Variants in TBX1 observed in about 807,000 individuals in gnomAD.
TBX1 encodes T-box transcription factor TBX1.
A neutral mutation model predicts 40.8 loss-of-function variants in TBX1; 16 were observed. That is an observed-to-expected ratio of 0.39 (90% CI 0.27 to 0.60). TBX1 has a LOEUF of 0.60. Ranked by LOEUF, TBX1 falls within the 20% of genes least tolerant of loss-of-function variation. TBX1 has a pLI of 0.51. For synonymous variants in TBX1, 403 were observed against 336.8 expected (o/e 1.20, Z -2.15); for missense variants, 755 against 728.5 (o/e 1.04, Z -0.42).
chr22:19,761,025 C>G lies in TBX1; in HGVS notation c.182C>G (p.Pro61Arg). 9 of 894,766 alleles carry G rather than the reference C, an allele frequency of 1.0e-5. No homozygotes were observed. Among genetic ancestry groups the G allele is most frequent in the Non-Finnish European group, 1.2e-5 (9 of 750,616 alleles). 55.4% of individuals were successfully genotyped at this position (894,766 alleles called of 1,614,324 possible). The change falls in exon 1 of 7, where the codon CCG (proline) becomes CGG (arginine). Residue 61 changes from proline (P) to arginine (R), a missense_variant. By Grantham distance (103) the Pro-to-Arg change is moderately radical. Transcript: ENST00000649276. ...CCGCCGCCGCCGCCGCGCTACGACC[C>G]GTGCGCCGCCGCCGCCCCCGGCGCC... ...EPPPPPPRYD[P>R]CAAAAPGAPG...
downstream of TBX1, among the ~76,000 whole-genome samples, chr22:19,770,928 C>T (rs892717131): frequency 3.9e-5 from 6 of 152,138 alleles, no homozygotes; most frequent in South Asian, 8.3e-4. Context: ...GCATGTGGCC[C>T]GTGTTCCAGA....
rs769543269 is a variant in TBX1, at chr22:19,765,122, C to T, written c.867+9C>T. 1.1e-5 allele frequency: 18 copies of T among 1,614,012 alleles called. No individual in the cohort carries two copies. In the South Asian group the frequency reaches 1.9e-4, roughly 17 times the overall value. ...CCTACCAGAACCATCGGGTGAGGGC[C>T]TGTGGGGAGGACCTGAGCGGATTCA... On this transcript the variant is annotated intron_variant, in intron 4 of 6. Transcript: ENST00000649276.
chr22:19,766,336 G>C, intron 6 of TBX1, 53 bp from the exon 7 acceptor site: 1 of 1,238,322 alleles, frequency 8.1e-7, no homozygotes, highest in South Asian at 2.9e-5. Flanking sequence ...TGGGGCGTCG[G>C]AGCTCCTCGG....
chr22:19,767,106 A>C lies in TBX1; in HGVS notation c.*239A>C. Reference sequence around the variant, plus strand: ...CACCGCGGGTCCTTCCCCGGCCCCGAGGGCCAAGGGGGTCCCCGCCCGCCA... The same window carrying C: ...CACCGCGGGTCCTTCCCCGGCCCCGCGGGCCAAGGGGGTCCCCGCCCGCCA... On this transcript the variant is annotated 3_prime_UTR_variant, in exon 7 of 7. Transcript: ENST00000649276. 8.0e-7 allele frequency: 1 copy of C among 1,248,260 alleles called. No homozygotes were observed. Among genetic ancestry groups the C allele is most frequent in the Non-Finnish European group, 1.0e-6 (1 of 997,898 alleles). The allele number at this position is 1,248,260 out of a possible 1,614,324, so 77.3% of individuals were successfully genotyped here.
Position 19,767,002 on chromosome 22 carries a change from G to A in TBX1, c.*135G>A. On this transcript the variant is annotated 3_prime_UTR_variant, in exon 7 of 7. Coordinates refer to ENST00000649276, the MANE Select transcript of TBX1 (RefSeq NM_001379200.1). Reference sequence around the variant, plus strand: ...GCCACCGCGGCTCTCCCCTTCCCCAGCCTCGAAGCCATGGGGGCCCCCTCG... The same window carrying A: ...GCCACCGCGGCTCTCCCCTTCCCCAACCTCGAAGCCATGGGGGCCCCCTCG... 7.2e-7 allele frequency: 1 copy of A among 1,384,446 alleles called. No homozygotes were observed. Among genetic ancestry groups the A allele is most frequent in the Non-Finnish European group, 9.3e-7 (1 of 1,070,618 alleles). 85.8% of individuals were successfully genotyped at this position (1,384,446 alleles called of 1,614,324 possible). A position where few individuals can be genotyped will look rare whatever the true frequency, so the allele number is the denominator to read the frequency against.
chr22:19,774,885 C>T (rs41297800), intron 8 of TBX1, among the ~76,000 whole-genome samples: 344 of 121,520 alleles, frequency 2.8e-3, no homozygotes, highest in African/African-American at 0.01. Flanking sequence ...TGGAGGTGGA[C>T]GCACAGCATC....
exon 9 of TBX1, chr22:19,779,294 C>G: frequency 6.2e-7 from 1 of 1,614,238 alleles, no homozygotes; most frequent in Non-Finnish European, 8.5e-7. Flanking sequence ...AGTGGAGCTT[C>G]TGAGGGATGC....
upstream of TBX1, among the ~76,000 whole-genome samples, chr22:19,757,019 G>C (rs888180186): frequency 6.6e-6 from 1 of 152,176 alleles, no homozygotes; most frequent in Non-Finnish European, 1.5e-5. Flanking sequence ...CGGCGGCTCC[G>C]GCTGGAGGCT....
downstream of TBX1, among the ~76,000 whole-genome samples, chr22:19,780,481 G>T (rs192924579): frequency 2.0e-5 from 3 of 152,316 alleles, no homozygotes; most frequent in East Asian, 3.9e-4. Flanking sequence ...CTATTCTGTT[G>T]TATGTCTGTA....
chr22:19,772,250 C>T (rs1345658699), downstream of TBX1, among the ~76,000 whole-genome samples: 3 of 151,864 alleles, frequency 2.0e-5, no homozygotes, highest in African/African-American at 7.3e-5. Context: ...TTACAGATGT[C>T]CGCCACCACG....
chr22:19,761,005 G>A lies in TBX1; in HGVS notation c.162G>A (p.Pro54=). The change falls in exon 1 of 7, where the codon CCG becomes CCA. Residue 54 remains proline, a synonymous_variant. Transcript: ENST00000649276. ...CGTACGGCCCGCGCGAGCCCCCGCCGCCGCCGCCGCGCTACGACCCGTGCG... is the reference window on the plus strand; with the variant it reads ...CGTACGGCCCGCGCGAGCCCCCGCCACCGCCGCCGCGCTACGACCCGTGCG... ...ADPYGPREPP[P]PPPRYDPCAA... 1 of 923,342 alleles carries A rather than the reference G, an allele frequency of 1.1e-6. No individual in the cohort carries two copies. The highest frequency in any genetic ancestry group is 4.8e-5 in the South Asian group (1 of 20,834). 57.2% of individuals were successfully genotyped at this position (923,342 alleles called of 1,614,324 possible).
upstream of TBX1, among the ~76,000 whole-genome samples, chr22:19,760,224 TTA>T (rs201950954): frequency 0.28 from 38,794 of 141,068 alleles, 5,231 homozygotes; most frequent in Middle Eastern, 0.41. Flanking sequence ...TTTTTTTTTT[TTA>T]AAAAGAAAAA....
chr22:19,761,885 C>T (rs1476527855), intron 1 of TBX1, among the ~76,000 whole-genome samples: 1 of 152,224 alleles, frequency 6.6e-6, no homozygotes, highest in Non-Finnish European at 1.5e-5. Context: ...AGCGGCCCGT[C>T]ACCTCCCAAC....
chr22:19,761,365 G>T, intron 1 of TBX1, 85 bp downstream of exon 1: 1 of 1,360,482 alleles, frequency 7.4e-7, no homozygotes, highest in South Asian at 1.7e-5. Context: ...CGCGAGCGGG[G>T]CCGAAAGCCG....
intron 2 of TBX1, chr22:19,763,650 C>T (rs1936739512): frequency 6.5e-6 from 3 of 463,442 alleles, no homozygotes; most frequent in Admixed American, 7.1e-5. Flanking sequence ...CTCCCTCTCC[C>T]AGGAGGCCGG....
chr22:19,757,627 T>G (rs543757152), upstream of TBX1, among the ~76,000 whole-genome samples: 8 of 152,166 alleles, frequency 5.3e-5, no homozygotes, highest in South Asian at 1.7e-3. Flanking sequence ...CACAGGCACG[T>G]CTCCTGCAAC....
chr22:19,765,705 G>T lies in TBX1; in HGVS notation c.868-53G>T, dbSNP rs962099082. On this transcript the variant is annotated intron_variant, in intron 4 of 6. Transcript: ENST00000649276. ...ACTCCCCTATCCTCCGCCGAGGTCG[G>T]GTGGCCCAGGCTGCAGGGCTCCAGC... 2.3e-5 allele frequency: 37 copies of T among 1,600,820 alleles called. No homozygotes were observed. In the African/African-American group the frequency reaches 5.0e-4, roughly 21 times the overall value.
At chr22:19,766,128 C>G in intron 6 of TBX1, 126 bp downstream of exon 6, 1 of 901,214 alleles carries the variant, frequency 1.1e-6, no homozygotes, top group South Asian at 5.3e-5. Flanking sequence ...GCACAACGGC[C>G]GCGGCGGCGG....
In TBX1 at chr22:19,764,963, T is replaced by C. The variant is rs750574407; in HGVS notation, c.717T>C (p.Ile239=). Residue 239 remains isoleucine, a synonymous_variant, in exon 4 of 7, where the codon ATT becomes ATC. Coordinates refer to ENST00000649276, the MANE Select transcript of TBX1 (RefSeq NM_001379200.1). ...NNLLDDNGHI[I]LNSMHRYQPR... is the part of the protein sequence containing the mutation. ...TTCCCCACCTTGTCTTCCAGATTAT[T>C]CTGAATTCCATGCACAGATACCAGC... 2 of 1,614,074 alleles carry C rather than the reference T, an allele frequency of 1.2e-6. No individual in the cohort carries two copies. The highest frequency in any genetic ancestry group is 1.7e-5 in the Admixed American group (1 of 60,028).
Sources: allele counts gnomAD v4.1 joint callset (sites outside exome capture counted in the v4.1 genomes callset), GRCh38; gene constraint gnomAD v4.1.1; transcripts MANE v1.5; gene names NCBI Gene and HGNC (gene_info 2026-07-23, HGNC 2026-07-21).